Variants in FAM184B observed in about 807,000 individuals in gnomAD.
FAM184B encodes the protein family with sequence similarity 184 member B.
A neutral mutation model predicts 135.9 loss-of-function variants in FAM184B; 111 were observed. The ratio of observed to expected loss-of-function variants is 0.82; its 90% CI spans 0.70 to 0.96. The LOEUF is 0.96. Ranked by LOEUF, FAM184B falls within the 40% of genes least tolerant of loss-of-function variation. FAM184B has a pLI of 0.00. For synonymous variants in FAM184B, 552 were observed against 524.8 expected, an observed-to-expected ratio of 1.05 and a Z score of -0.71; for missense variants, 1,375 against 1,323.9, an observed-to-expected ratio of 1.04 and a Z score of -0.60.
At chr4:17,737,167 A>G (rs1024635619) in intron 1 of FAM184B, among the ~76,000 whole-genome samples, 8 of 152,128 alleles carry the variant, frequency 5.3e-5, no homozygotes, top group African/African-American at 1.9e-4. Flanking sequence ...AAGAAAGGAT[A>G]AAGGGGAGAT....
In FAM184B at chr4:17,762,776, C is replaced by T. The variant is rs368929074; in HGVS notation, c.141+18383G>A. Among the ~76,000 whole-genome samples, 15 of 152,308 alleles carry T rather than the reference C, an allele frequency of 9.8e-5. No homozygotes were observed. In the South Asian group the frequency reaches 3.1e-3, roughly 32 times the overall value. On this transcript the variant is annotated intron_variant, in intron 1 of 17. Coordinates refer to ENST00000265018, the MANE Select transcript of FAM184B (RefSeq NM_015688.2). ...AGACACCTCTTTTTTGAATGTCTCACAAGCTGTCTAAACCCTCCAAGTTGT... is the reference window on the plus strand; with the variant it reads ...AGACACCTCTTTTTTGAATGTCTCATAAGCTGTCTAAACCCTCCAAGTTGT...
chr4:17,781,234 A>G lies in FAM184B; in HGVS notation c.66T>C (p.Gly22=). 6.4e-7 allele frequency: 1 copy of G among 1,550,858 alleles called. No individual in the cohort carries two copies. Among genetic ancestry groups the G allele is most frequent in the Non-Finnish European group, 8.7e-7 (1 of 1,146,646 alleles). ...CACAGTCCATTCTCCAGCCGGCGCC[A>G]CCGTCGGCTTTGGAGCCCTGGCAAG... The part of the protein sequence containing the change: ...PGTCQGSKAD[G]GAGWRMDCDP... Residue 22 remains glycine (G), a synonymous_variant, in exon 1 of 18, where the codon GGT becomes GGC. Transcript: ENST00000265018. The surrounding 1 kb of genome is among the most constrained non-coding windows in gnomAD (Gnocchi z 6.5).
chr4:17,726,846 A>G (rs1717653738), intron 1 of FAM184B, among the ~76,000 whole-genome samples: 1 of 152,202 alleles, frequency 6.6e-6, no homozygotes, highest in Non-Finnish European at 1.5e-5. Context: ...AGTCCCAACA[A>G]AAGCTCCAAA....
chr4:17,728,709 G>T (rs951574658), intron 1 of FAM184B, among the ~76,000 whole-genome samples: 11 of 152,156 alleles, frequency 7.2e-5, no homozygotes, highest in African/African-American at 2.7e-4. Context: ...CAGCATGTTA[G>T]TAGTAACCTC....
At position 17,709,187 on chromosome 4, in the gene FAM184B, A is replaced by G; in HGVS notation, c.599T>C (p.Val200Ala). The G allele has an allele frequency of 6.5e-7, 1 of 1,548,116 alleles. No homozygotes were observed. Residue 200 changes from valine (V) to alanine (A), a missense_variant, in exon 2 of 18, where the codon GTG (valine) becomes GCG (alanine). By Grantham distance (64) the Val-to-Ala change is moderately conservative (BLOSUM62 0). Coordinates refer to ENST00000265018, the MANE Select transcript of FAM184B (RefSeq NM_015688.2). ...GPEMQEVLLE[V>A]QRLRVENQQL... ...CTGGTTCTCCACTCGCAGCCGCTGC[A>G]CCTCTAGCAGGACCTCCTGCATCTC...
At chr4:17,707,512 C>T in intron 3 of FAM184B, 137 bp downstream of exon 3, 4 of 1,118,828 alleles carry the variant, frequency 3.6e-6, no homozygotes, top group Non-Finnish European at 5.0e-6. Context: ...GGATTGGTCT[C>T]ACCCACCAGG....
chr4:17,692,388 T>C lies in FAM184B; in HGVS notation c.1488+914A>G, dbSNP rs564712391. 1.3e-4 allele frequency among the ~76,000 whole-genome samples: 20 copies of C among 152,296 alleles called. No individual in the cohort carries two copies. The South Asian group carries it at 3.9e-3, about 30-fold the overall frequency. The stretch of plus-strand genomic sequence containing the variant: ...GAAATATCAACTCTAAGGAAAGACA[T>C]ACTCATCATTTTTTAAAATAATGAT... On this transcript the variant is annotated intron_variant, in intron 6 of 17. Transcript: ENST00000265018.
chr4:17,746,788 A>G (rs1005377946), intron 1 of FAM184B, among the ~76,000 whole-genome samples: 9 of 151,726 alleles, frequency 5.9e-5, no homozygotes, highest in Non-Finnish European at 8.8e-5. Context: ...CTGTAATCTC[A>G]GCACTTTGGG....
intron 1 of FAM184B, among the ~76,000 whole-genome samples, chr4:17,747,792 G>A (rs1173987209): frequency 1.4e-3 from 211 of 151,756 alleles, no homozygotes; most frequent in African/African-American, 4.8e-3. Context: ...GAGGTGGCGG[G>A]CGCCTGTAGT....
intron 11 of FAM184B, among the ~76,000 whole-genome samples, chr4:17,648,434 C>T (rs564141062): frequency 6.6e-6 from 1 of 152,018 alleles, no homozygotes; most frequent in African/African-American, 2.4e-5. Context: ...GCAGCCTCCA[C>T]CTCCCAGGTT....
Position 17,633,800 on chromosome 4 carries a change from C to G in FAM184B, c.2978G>C (p.Ser993Thr). The G allele has an allele frequency of 6.4e-7, 1 of 1,551,640 alleles. No individual in the cohort carries two copies. Among genetic ancestry groups the G allele is most frequent in the Non-Finnish European group, 8.7e-7 (1 of 1,146,978 alleles). Residue 993 changes from serine (S) to threonine (T), a missense_variant, in exon 17 of 18, where the codon AGT becomes ACT. Coordinates refer to ENST00000265018, the MANE Select transcript of FAM184B (RefSeq NM_015688.2). ...YAKNFLSGDL[S>T]SRINAPPITT... ...TATTGGAGGGGCATTAATCCTGGAA[C>G]TCAGATCGCCACTCAGAAAGTTCTT...
chr4:17,664,425 T>C, intron 8 of FAM184B, 137 bp downstream of exon 8: 1 of 645,200 alleles, frequency 1.5e-6, no homozygotes, highest in African/African-American at 1.8e-5. Flanking sequence ...ACATACAAGA[T>C]ATGCTTGTTG....
chr4:17,641,120 G>GA (rs1375093963), intron 13 of FAM184B, among the ~76,000 whole-genome samples: 1 of 152,086 alleles, frequency 6.6e-6, no homozygotes, highest in Non-Finnish European at 1.5e-5. Context: ...TTTTAGTAGA[G>GA]ACGGGGTTTC....
chr4:17,777,044 G>A (rs755842748), intron 1 of FAM184B, among the ~76,000 whole-genome samples: 2 of 152,152 alleles, frequency 1.3e-5, no homozygotes, highest in Non-Finnish European at 2.9e-5. Flanking sequence ...AACACATAAA[G>A]ACTTGCACGT....
rs764583181 is a variant in FAM184B at position 17,660,070 on chromosome 4, T to C, written c.1712A>G (p.Lys571Arg). ...DEEERTKVLL[K>R]EGSDPQPPLG... The stretch of plus-strand genomic sequence containing the variant: ...TGGAGGTTGTGGGTCACTTCCCTCC[T>C]TGAGAAGCACTTTGGTCCTTTGAAG... Residue 571 changes from lysine (K) to arginine (R), a missense_variant, in exon 9 of 18, where the codon AAG (lysine) becomes AGG (arginine). Coordinates refer to ENST00000265018, the MANE Select transcript of FAM184B (RefSeq NM_015688.2). The C allele has an allele frequency of 6.4e-6, 10 of 1,551,410 alleles. No individual in the cohort carries two copies. The South Asian group carries it at 1.2e-4, about 18-fold the overall frequency.
intron 10 of FAM184B, among the ~76,000 whole-genome samples, chr4:17,654,746 G>A (rs1317081263): frequency 6.6e-6 from 1 of 152,220 alleles, no homozygotes; most frequent in African/African-American, 2.4e-5. Flanking sequence ...AGCGGGTCAT[G>A]TGGAAGCTTT....
At chr4:17,654,862 T>C (rs1434550633) in intron 10 of FAM184B, among the ~76,000 whole-genome samples, 1 of 152,182 alleles carries the variant, frequency 6.6e-6, no homozygotes, top group African/African-American at 2.4e-5. Flanking sequence ...TTTTTCTTTT[T>C]CTTTTTTTGA....
In FAM184B at chr4:17,705,755, C is replaced by A. The variant is rs1033460337; in HGVS notation, c.1167G>T (p.Met389Ile). The A allele has an allele frequency of 4.5e-6, 7 of 1,551,650 alleles. No homozygotes were observed. In the African/African-American group the frequency reaches 9.6e-5, roughly 21 times the overall value. The change falls in exon 4 of 18, where the codon ATG becomes ATT. Residue 389 changes from methionine (M) to isoleucine (I), a missense_variant. By Grantham distance (10) the Met-to-Ile change is conservative (BLOSUM62 1). Transcript: ENST00000265018. ...ECPCMKGGTD[M>I]QTKKEASAET... ...CCAGGGCTGGGTCAGACACTACCTG[C>A]ATATCTGTGCCTCCTTTCATGCAAG...
intron 6 of FAM184B, among the ~76,000 whole-genome samples, chr4:17,692,803 C>A (rs1308162974): frequency 6.6e-6 from 1 of 152,038 alleles, no homozygotes; most frequent in Non-Finnish European, 1.5e-5. Context: ...CTGTTTCTAG[C>A]CTTTTCCACT....
Sources: allele counts gnomAD v4.1 joint callset (sites outside exome capture counted in the v4.1 genomes callset), GRCh38; gene constraint gnomAD v4.1.1; non-coding constraint Gnocchi (gnomAD v3.1); transcripts MANE v1.5; gene names NCBI Gene and HGNC (gene_info 2026-07-23, HGNC 2026-07-21).